The following SMOC2 variants were observed in gnomAD, a reference collection of about 807,000 sequenced individuals.
SMOC2 encodes SPARC related modular calcium binding 2.
A neutral mutation model predicts 61.4 loss-of-function variants in SMOC2; 39 were observed. The observed-to-expected ratio is 0.64, with a 90% confidence interval of 0.49 to 0.83. SMOC2 has a LOEUF of 0.83. Ranked by LOEUF, SMOC2 falls within the 40% of genes least tolerant of loss-of-function variation. The probability of loss-of-function intolerance (pLI) is 0.00; values close to 1 mark genes in which losing one functional copy is unlikely to be tolerated. For synonymous variants in SMOC2, 247 were observed against 239.9 expected (o/e 1.03, Z -0.27); for missense variants, 556 against 592.9 (o/e 0.94, Z 0.65).
At chr6:168,647,796 G>A (rs1787079994) in intron 9 of SMOC2, among the ~76,000 whole-genome samples, 1 of 152,068 alleles carries the variant, frequency 6.6e-6, no homozygotes, top group Non-Finnish European at 1.5e-5. Flanking sequence ...TTTTTCTTCA[G>A]AAGTAGTTTT....
chr6:168,614,234 A>G (rs375046500), intron 9 of SMOC2, among the ~76,000 whole-genome samples: 2 of 53,806 alleles, frequency 3.7e-5, no homozygotes, highest in African/African-American at 1.6e-4. Flanking sequence ...CAGCACATGG[A>G]GCCTCTTCAC....
intron 1 of SMOC2, 70 bp downstream of exon 1, chr6:168,441,524 C>G: frequency 2.8e-6 from 4 of 1,419,442 alleles, no homozygotes; most frequent in Non-Finnish European, 3.7e-6. Context: ...GTTCGGGTCC[C>G]CGCGCCCCGC....
At chr6:168,487,043 T>A (rs899750301) in intron 1 of SMOC2, among the ~76,000 whole-genome samples, 1 of 152,166 alleles carries the variant, frequency 6.6e-6, no homozygotes, top group Non-Finnish European at 1.5e-5. Flanking sequence ...GAGAATTAAG[T>A]GACATGGCCC....
At chr6:168,518,262 GGAAA>G (rs1287552392) in intron 2 of SMOC2, among the ~76,000 whole-genome samples, 2 of 152,054 alleles carry the variant, frequency 1.3e-5, no homozygotes, top group Non-Finnish European at 2.9e-5. Flanking sequence ...TTTCCATGAA[GGAAA>G]TCTGTGCGGG....
In SMOC2 at chr6:168,571,802, T is replaced by C. The variant is rs73789127; in HGVS notation, c.637+22599T>C. ...TGTTCACTGAACGCAATGTTCACTTTCTCCCCGCATCCCTGGGTGCTGGGA... is the reference window on the plus strand; with the variant it reads ...TGTTCACTGAACGCAATGTTCACTTCCTCCCCGCATCCCTGGGTGCTGGGA... On this transcript the variant is annotated intron_variant, in intron 7 of 12. Transcript: ENST00000356284. Among the ~76,000 whole-genome samples the C allele has an allele frequency of 8.0e-3, 1,186 of 148,644 alleles. 22 individuals carry two copies. The highest frequency in any genetic ancestry group is 0.028 in the African/African-American group (1,116 of 39,906).
intron 7 of SMOC2, among the ~76,000 whole-genome samples, chr6:168,560,520 G>GTGAGGCTCTCACTGCA (rs1784386395): frequency 1.2e-5 from 1 of 81,088 alleles, no homozygotes; most frequent in Non-Finnish European, 2.7e-5. Flanking sequence ...CTCTCACTGC[G>GTGAGGCTCTCACTGCA]TTCTTGGAGG....
At chr6:168,556,676 T>C (rs1784260182) in intron 7 of SMOC2, among the ~76,000 whole-genome samples, 1 of 151,796 alleles carries the variant, frequency 6.6e-6, no homozygotes, top group Admixed American at 6.6e-5. Flanking sequence ...ACATGTGCCA[T>C]GTTGTGCTGC....
chr6:168,614,756 C>T (rs774721760), intron 9 of SMOC2, among the ~76,000 whole-genome samples: 14 of 47,340 alleles, frequency 3.0e-4, no homozygotes, highest in Admixed American at 6.5e-4. Flanking sequence ...GGCCTCTTCA[C>T]ACCTACAGCC....
rs146188888 is a variant in SMOC2, at chr6:168,510,072, G to A, written c.242G>A (p.Arg81Gln). Residue 81 changes from arginine (R) to glutamine (Q), a missense_variant, in exon 2 of 13, where the codon CGA becomes CAA. Coordinates refer to ENST00000356284, the MANE Select transcript of SMOC2 (RefSeq NM_001166412.2). Reference sequence around the variant, plus strand: ...GATCCCCAGCTAGAGATTGCATATCGAGGAAACTGCAAAGGTAAGCTGCTG... The same window carrying A: ...GATCCCCAGCTAGAGATTGCATATCAAGGAAACTGCAAAGGTAAGCTGCTG... The part of the protein sequence containing the change: ...CKDPQLEIAY[R>Q]GNCKDVSRCV... 48 of 1,614,036 alleles carry A rather than the reference G, an allele frequency of 3.0e-5. No individual in the cohort carries two copies. In the Middle Eastern group the frequency reaches 6.6e-4, roughly 22 times the overall value.
chr6:168,556,314 T>G (rs975907613), intron 7 of SMOC2, among the ~76,000 whole-genome samples: 9 of 152,152 alleles, frequency 5.9e-5, no homozygotes, highest in Admixed American at 1.3e-4. Flanking sequence ...GTGTCCTTGT[T>G]GCCCACATGG....
chr6:168,460,107 C>T (rs1304311177), intron 1 of SMOC2, among the ~76,000 whole-genome samples: 1 of 152,082 alleles, frequency 6.6e-6, no homozygotes, highest in African/African-American at 2.4e-5. Flanking sequence ...TTGACTGATA[C>T]CCCAAAAGAT....
chr6:168,509,165 G>C (rs1465783495), intron 1 of SMOC2, among the ~76,000 whole-genome samples: 8 of 152,182 alleles, frequency 5.3e-5, no homozygotes. Context: ...TCCGAAGTCT[G>C]TGTCAAGCTG....
intron 9 of SMOC2, among the ~76,000 whole-genome samples, chr6:168,621,484 C>G (rs371644216): frequency 6.6e-6 from 1 of 152,284 alleles, no homozygotes; most frequent in African/African-American, 2.4e-5. Context: ...CAATTTTGCT[C>G]TGTTAAGTAG....
chr6:168,449,701 T>C (rs1781417030), intron 1 of SMOC2, among the ~76,000 whole-genome samples: 1 of 152,206 alleles, frequency 6.6e-6, no homozygotes, highest in African/African-American at 2.4e-5. Flanking sequence ...TTCTTTGGCA[T>C]TAAGATTCTG....
At chr6:168,600,909 A>G (rs902368162) in intron 8 of SMOC2, among the ~76,000 whole-genome samples, 1 of 152,248 alleles carries the variant, frequency 6.6e-6, no homozygotes, top group African/African-American at 2.4e-5. Context: ...CTGAAGAACA[A>G]GAGCTGTGTG....
intron 5 of SMOC2, among the ~76,000 whole-genome samples, chr6:168,545,014 G>T (rs1245959943): frequency 6.6e-6 from 1 of 152,156 alleles, no homozygotes; most frequent in Non-Finnish European, 1.5e-5. Context: ...GGGACACTGG[G>T]TTGGGGGAGG....
rs753221455 is a variant in SMOC2 at position 168,441,330 on chromosome 6, C to T, written c.-41C>T. On this transcript the variant is annotated 5_prime_UTR_variant, in exon 1 of 13. Transcript: ENST00000356284. ...CTCTCCCGGCTGCAGTGCCAGGGCGCAGGACGCGGCCGATCTCCCGCTCCC... is the reference window on the plus strand; with the variant it reads ...CTCTCCCGGCTGCAGTGCCAGGGCGTAGGACGCGGCCGATCTCCCGCTCCC... 5 of 1,492,318 alleles carry T rather than the reference C, an allele frequency of 3.4e-6. No individual in the cohort carries two copies. Among genetic ancestry groups the T allele is most frequent in the Non-Finnish European group, 8.9e-7 (1 of 1,128,368 alleles). The allele number at this position is 1,492,318 out of a possible 1,614,324, so 92.4% of individuals were successfully genotyped here.
At chr6:168,631,360 G>A (rs1786566026) in intron 9 of SMOC2, among the ~76,000 whole-genome samples, 1 of 152,230 alleles carries the variant, frequency 6.6e-6, no homozygotes, top group South Asian at 2.1e-4. Context: ...ATTTGGCAGT[G>A]TGCTGGGTTT....
chr6:168,589,012 G>A (rs1208901673), intron 7 of SMOC2, among the ~76,000 whole-genome samples: 9 of 148,678 alleles, frequency 6.1e-5, no homozygotes, highest in Non-Finnish European at 1.3e-4. Context: ...GGGAGGTGGA[G>A]GTTGCAGTGA....
Sources: gnomAD v4.1 joint callset for allele counts (sites outside exome capture counted in the v4.1 genomes callset) on GRCh38, gnomAD v4.1.1 for gene constraint, MANE v1.5 for transcripts, NCBI Gene and HGNC (gene_info 2026-07-23, HGNC 2026-07-21) for gene names.